Variants in CHD7 observed in about 807,000 individuals in gnomAD.
CHD7 encodes the protein ATP-dependent chromatin remodeler CHD7.
A neutral mutation model predicts 307.3 loss-of-function variants in CHD7; 24 were observed. The observed-to-expected ratio is 0.08, with a 90% CI of 0.06 to 0.11. CHD7 has a LOEUF of 0.11. Among genes scored for constraint, CHD7 ranks in the 10% least tolerant of loss-of-function variants. The pLI is 1.00. For synonymous variants in CHD7, 1,363 were observed against 1,349.9 expected, an observed-to-expected ratio of 1.01 and a Z score of -0.21; for missense variants, 3,106 against 3,727.1, an observed-to-expected ratio of 0.83 and a Z score of 4.34.
chr8:60,828,057 GAATT>G (rs1300967377), intron 13 of CHD7, among the ~76,000 whole-genome samples: 1 of 151,874 alleles, frequency 6.6e-6, no homozygotes, highest in African/African-American at 2.4e-5. Flanking sequence ...TAAACAGGAA[GAATT>G]AATTAAAGAA....
At chr8:60,681,591 A>C (rs1478496839) in intron 1 of CHD7, among the ~76,000 whole-genome samples, 1 of 152,240 alleles carries the variant, frequency 6.6e-6, no homozygotes, top group Non-Finnish European at 1.5e-5. Context: ...GGAAATGGGT[A>C]AAGGCTTGAG....
Position 60,742,836 on chromosome 8 carries a change from A to G in CHD7, c.1404A>G (p.Pro468=), listed in dbSNP as rs1809121915. Residue 468 remains proline (P), a synonymous_variant, in exon 2 of 38, where the codon CCA becomes CCG. Transcript: ENST00000423902. ...CATTTATAGGCATGTCCTCGGCACC[A>G]AGGGAATTGACTGGGCACATGAGGC... ...SRPFIGMSSA[P]RELTGHMRPN... 1 of 1,613,310 alleles carries G rather than the reference A, an allele frequency of 6.2e-7. No individual in the cohort carries two copies. Among genetic ancestry groups the G allele is most frequent in the Non-Finnish European group, 8.5e-7 (1 of 1,179,572 alleles).
intron 1 of CHD7, among the ~76,000 whole-genome samples, chr8:60,694,676 G>A (rs1471339845): frequency 1.3e-5 from 2 of 152,184 alleles, no homozygotes; most frequent in Non-Finnish European, 2.9e-5. Flanking sequence ...AGCTTTGCAG[G>A]AGCTATGGCC....
chr8:60,683,431 T>A (rs1393556304), intron 1 of CHD7, among the ~76,000 whole-genome samples: 1 of 152,244 alleles, frequency 6.6e-6, no homozygotes, highest in Non-Finnish European at 1.5e-5. Context: ...ACATCATGAC[T>A]ATGTGTCCAT....
At chr8:60,679,461 G>A (rs1411707237) in intron 1 of CHD7, 1 of 145,504 alleles carries the variant, frequency 6.9e-6, no homozygotes, top group Non-Finnish European at 1.5e-5. Context: ...CGGGGGACAG[G>A]AGGGAGCGTG....
At chr8:60,709,080 A>G (rs147375004) in intron 1 of CHD7, among the ~76,000 whole-genome samples, 79 of 152,146 alleles carry the variant, frequency 5.2e-4, no homozygotes, top group African/African-American at 1.9e-3. Flanking sequence ...ATTGCACTTC[A>G]TTATCTACGT....
At chr8:60,841,494 G>A (rs1298933521) in intron 19 of CHD7, 150 bp from the exon 20 acceptor site, 3 of 645,446 alleles carry the variant, frequency 4.6e-6, no homozygotes, top group East Asian at 2.8e-5. Flanking sequence ...CTGCCTGAGG[G>A]CCAGTCTGTC....
chr8:60,845,076 C>T lies in CHD7; in HGVS notation c.5050+13C>T. 1.9e-6 allele frequency: 3 copies of T among 1,613,158 alleles called. No homozygotes were observed. Among genetic ancestry groups the T allele is most frequent in the South Asian group, 2.2e-5 (2 of 90,946 alleles). Reference sequence around the variant, plus strand: ...GTCAACCATTCCGGTAGGTCTCCACCATGCTGTTTGTGCTACAGGGTCACA... The same window carrying T: ...GTCAACCATTCCGGTAGGTCTCCACTATGCTGTTTGTGCTACAGGGTCACA... On this transcript the variant is annotated intron_variant, in intron 22 of 37. Coordinates refer to ENST00000423902, the MANE Select transcript of CHD7 (RefSeq NM_017780.4).
intron 18 of CHD7, 79 bp downstream of exon 18, chr8:60,837,914 C>A: frequency 7.2e-7 from 1 of 1,390,598 alleles, no homozygotes; most frequent in Non-Finnish European, 9.7e-7. Flanking sequence ...ATTACTCAGC[C>A]TTTGATTATT....
intron 7 of CHD7, among the ~76,000 whole-genome samples, chr8:60,810,907 T>G (rs1250332825): frequency 1.3e-5 from 2 of 152,216 alleles, no homozygotes; most frequent in Admixed American, 1.3e-4. Flanking sequence ...GACTGAGCAT[T>G]ACCACCTGAG....
chr8:60,717,746 T>C (rs969090647), intron 1 of CHD7, among the ~76,000 whole-genome samples: 6 of 151,892 alleles, frequency 4.0e-5, no homozygotes, highest in African/African-American at 1.2e-4. Context: ...CACTGACAAT[T>C]GTAGTCATCA....
At position 60,856,202 on chromosome 8, in the gene CHD7, G is replaced by A; in HGVS notation, c.7164G>A (p.Lys2388=). ...EDITTSPQLS[K]EDALNLSVPR... ...TCACTACGTCTCCTCAGTTGTCAAAGGTGAATTAGAATGGCTTGTTTCTGC... is the reference window on the plus strand; with the variant it reads ...TCACTACGTCTCCTCAGTTGTCAAAAGTGAATTAGAATGGCTTGTTTCTGC... The change falls in exon 33 of 38, where the codon AAG becomes AAA. Residue 2388 remains lysine, a splice_region_variant and synonymous_variant. Coordinates refer to ENST00000423902, the MANE Select transcript of CHD7 (RefSeq NM_017780.4). 1 of 1,574,756 alleles carries A rather than the reference G, an allele frequency of 6.4e-7. No individual in the cohort carries two copies. The highest frequency in any genetic ancestry group is 8.6e-7 in the Non-Finnish European group (1 of 1,158,224).
chr8:60,775,923 A>G (rs1192934655), intron 2 of CHD7, among the ~76,000 whole-genome samples: 1 of 143,454 alleles, frequency 7.0e-6, no homozygotes, highest in Non-Finnish European at 1.5e-5. Flanking sequence ...ACGCCCGGCT[A>G]ATTTTTTGTA....
intron 14 of CHD7, 79 bp from the exon 15 acceptor site, chr8:60,830,243 T>C: frequency 3.6e-6 from 5 of 1,393,396 alleles, no homozygotes; most frequent in Non-Finnish European, 9.8e-7. Context: ...AATGAGATAA[T>C]CCTGATGTTT....
intron 6 of CHD7, among the ~76,000 whole-genome samples, chr8:60,803,274 A>G (rs1586355407): frequency 6.6e-6 from 1 of 152,342 alleles, no homozygotes; most frequent in Admixed American, 6.5e-5. Flanking sequence ...TTCAATTGGT[A>G]GTGCTTCAGC....
At chr8:60,822,434 T>C in intron 11 of CHD7, 69 bp from the exon 12 acceptor site, 3 of 1,467,410 alleles carry the variant, frequency 2.0e-6, no homozygotes, top group South Asian at 2.6e-5. Flanking sequence ...TGGTATATAT[T>C]TTGTGAAATG....
chr8:60,853,641 T>G (rs1032330237), intron 31 of CHD7, 141 bp downstream of exon 31: 3 of 639,032 alleles, frequency 4.7e-6, no homozygotes, highest in Non-Finnish European at 5.0e-6. Context: ...TTTCAAGTTA[T>G]GCTTATATCT....
At chr8:60,802,099 T>A (rs1260441652) in intron 6 of CHD7, among the ~76,000 whole-genome samples, 4 of 152,228 alleles carry the variant, frequency 2.6e-5, no homozygotes, top group Non-Finnish European at 5.9e-5. Flanking sequence ...ATTTTCAGTG[T>A]AATTTTAAAA....
intron 2 of CHD7, among the ~76,000 whole-genome samples, chr8:60,768,623 C>T (rs1203722565): frequency 6.6e-6 from 1 of 152,178 alleles, no homozygotes; most frequent in African/African-American, 2.4e-5. Flanking sequence ...CCAGCTGTCC[C>T]TGGGGATTGT....
Sources: gnomAD v4.1 joint callset for allele counts (sites outside exome capture counted in the v4.1 genomes callset) on GRCh38, gnomAD v4.1.1 for gene constraint, MANE v1.5 for transcripts, NCBI Gene and HGNC (gene_info 2026-07-23, HGNC 2026-07-21) for gene names.